The following NEK1 variants were observed in gnomAD, a reference collection of about 807,000 sequenced individuals.
NEK1 encodes the protein serine/threonine-protein kinase Nek1.
In NEK1, 137 loss-of-function variants were observed where a neutral mutation model predicts 182.1. That is an observed-to-expected ratio of 0.75 (90% confidence interval 0.65 to 0.87). NEK1 has a LOEUF of 0.87. Among genes scored for constraint, NEK1 ranks in the 40% least tolerant of loss-of-function variants. The pLI, the probability that NEK1 is intolerant of heterozygous loss-of-function variation, is 0.00. For synonymous variants in NEK1, 513 were observed against 492.2 expected (o/e 1.04, Z -0.56); for missense variants, 1,391 against 1,494.4 (o/e 0.93, Z 1.14).
At chr4:169,584,238 T>C (rs1338098568) in intron 10 of NEK1, among the ~76,000 whole-genome samples, 1 of 152,090 alleles carries the variant, frequency 6.6e-6, no homozygotes, top group Non-Finnish European at 1.5e-5. Flanking sequence ...GAGTCAGTAA[T>C]CTAGTATACC....
intron 19 of NEK1, among the ~76,000 whole-genome samples, chr4:169,531,531 G>T (rs1000374613): frequency 1.1e-4 from 16 of 151,474 alleles, no homozygotes; most frequent in Non-Finnish European, 1.2e-4. Flanking sequence ...TGCTATAGGA[G>T]AGTACCGGTA....
rs34236215 is a variant in NEK1 at position 169,581,039 on chromosome 4, T to TAAA, written c.808-140_808-138dup. The TAAA allele has an allele frequency of 9.9e-3, 1,293 of 130,766 alleles. 25 individuals carry two copies. The highest frequency in any genetic ancestry group is 0.033 in the African/African-American group (1,018 of 30,464). 8.1% of individuals were successfully genotyped at this position (130,766 alleles called of 1,614,324 possible). On this transcript the variant is annotated intron_variant, in intron 10 of 35. Transcript: ENST00000507142. Reference sequence around the variant, plus strand: ...ATAAACTGTACTAAAACCAAGTTGTTAAAAAAAAAAAAAAAAAAAAAAAAG... The same window carrying TAAA: ...ATAAACTGTACTAAAACCAAGTTGTTAAAAAAAAAAAAAAAAAAAAAAAAAAAG...
intron 28 of NEK1, among the ~76,000 whole-genome samples, chr4:169,436,175 A>C (rs1336931736): frequency 6.6e-6 from 1 of 152,220 alleles, no homozygotes; most frequent in Non-Finnish European, 1.5e-5. Context: ...AAGTGCCGGG[A>C]TTACAGGTGT....
chr4:169,484,214 C>A (rs11945875), intron 23 of NEK1, among the ~76,000 whole-genome samples: 42,710 of 151,810 alleles, frequency 0.28, 8,498 homozygotes, highest in African/African-American at 0.57. Context: ...ATGCCCAGCA[C>A]ATTTTTGTAT....
At chr4:169,528,801 C>A (rs1244277129) in intron 19 of NEK1, among the ~76,000 whole-genome samples, 3 of 152,076 alleles carry the variant, frequency 2.0e-5, no homozygotes, top group Non-Finnish European at 2.9e-5. Flanking sequence ...TTCCACCCAA[C>A]AATAGCAGAA....
rs370669947 is a variant in NEK1, at chr4:169,445,849, C to T, written c.2588-7590G>A. On this transcript the variant is annotated intron_variant, in intron 27 of 35. Transcript: ENST00000507142. ...AAACTTAAAACAAAACAACTATATACATATATATATATATATACACACACA... is the reference window on the plus strand; with the variant it reads ...AAACTTAAAACAAAACAACTATATATATATATATATATATATACACACACA... Among the ~76,000 whole-genome samples the T allele has an allele frequency of 6.0e-3, 847 of 140,002 alleles. 13 individuals are homozygous for T. The highest frequency in any genetic ancestry group is 0.023 in the African/African-American group (775 of 34,186). 91.8% of individuals were successfully genotyped at this position (140,002 alleles called of 152,430 possible). A position where few individuals can be genotyped will look rare whatever the true frequency, so the allele number is the denominator to read the frequency against.
At chr4:169,419,062 T>A (rs1258780392) in intron 31 of NEK1, among the ~76,000 whole-genome samples, 1 of 152,096 alleles carries the variant, frequency 6.6e-6, no homozygotes, top group Non-Finnish European at 1.5e-5. Flanking sequence ...TAAACAAACC[T>A]ACCACACTGC....
intron 2 of NEK1, among the ~76,000 whole-genome samples, chr4:169,607,031 A>G (rs904875569): frequency 6.6e-6 from 1 of 152,216 alleles, no homozygotes; most frequent in Non-Finnish European, 1.5e-5. Context: ...GAAGAGGAAA[A>G]ATAATAGAAG....
At chr4:169,580,494 C>CAAAAAAA (rs11348370) in intron 11 of NEK1, among the ~76,000 whole-genome samples, 1 of 65,846 alleles carries the variant, frequency 1.5e-5, no homozygotes, top group Non-Finnish European at 3.0e-5. Context: ...AACTTCATCT[C>CAAAAAAA]AAAAAAAAAA....
In NEK1 at chr4:169,561,871, C is replaced by G. The variant is rs918117797; in HGVS notation, c.1101G>C (p.Arg367Ser). The change falls in exon 14 of 36, where the codon AGG (arginine) becomes AGC (serine). Residue 367 changes from arginine (R) to serine (S), a missense_variant. Arg to Ser is a moderately radical substitution (Grantham distance 110). Around this residue, in one of 5 missense-constraint regions of NEK1, gnomAD observed 1,216 missense variants for 1,277.6 expected, o/e 0.95. Coordinates refer to ENST00000507142, the MANE Select transcript of NEK1 (RefSeq NM_001199397.3). ...TCTTTTCTTTTTCAATAAATTCCAGCCTTCTCTTTCTTGCTGCTTCCTTAA... is the reference window on the plus strand; with the variant it reads ...TCTTTTCTTTTTCAATAAATTCCAGGCTTCTCTTTCTTGCTGCTTCCTTAA... Reference protein sequence around the residue: ...KISEEAARKRRLEFIEKEKKQ... With the variant: ...KISEEAARKRSLEFIEKEKKQ... 5 of 1,607,838 alleles carry G rather than the reference C, an allele frequency of 3.1e-6. No homozygotes were observed. Among genetic ancestry groups the G allele is most frequent in the Non-Finnish European group, 4.2e-6 (5 of 1,177,912 alleles).
chr4:169,495,239 C>CTTTTTTT (rs774183115), intron 23 of NEK1, among the ~76,000 whole-genome samples: 7 of 105,448 alleles, frequency 6.6e-5, no homozygotes, highest in Non-Finnish European at 1.2e-4. Context: ...ACATTTAAGT[C>CTTTTTTT]TTTTTTTTTT....
intron 26 of NEK1, among the ~76,000 whole-genome samples, chr4:169,473,410 A>G (rs1018828785): frequency 2.6e-5 from 4 of 152,080 alleles, no homozygotes; most frequent in Admixed American, 2.0e-4. Context: ...ACCAATACCA[A>G]TTACCTATTG....
rs895688115 is a variant in NEK1, at chr4:169,507,930, T to C, written c.1834-138A>G. ...TCATTTAATGCTGTTAGTTTTCTCC[T>C]AAAGCTGCAACTGAACTCTCCACCA... On this transcript the variant is annotated intron_variant, in intron 21 of 35. Transcript: ENST00000507142. 13 of 704,284 alleles carry C rather than the reference T, an allele frequency of 1.8e-5. 1 individual carries two copies. The Admixed American group carries it at 3.4e-4, about 18-fold the overall frequency. The allele number at this position is 704,284 out of a possible 1,614,324, so 43.6% of individuals were successfully genotyped here.
intron 31 of NEK1, among the ~76,000 whole-genome samples, chr4:169,410,813 G>A (rs1353168467): frequency 1.3e-5 from 2 of 152,174 alleles, no homozygotes; most frequent in East Asian, 3.8e-4. Context: ...TTTTCATAAA[G>A]CAGATCATTT....
intron 28 of NEK1, among the ~76,000 whole-genome samples, chr4:169,437,474 A>G (rs547261561): frequency 2.6e-4 from 39 of 152,072 alleles, no homozygotes; most frequent in Non-Finnish European, 4.7e-4. Flanking sequence ...TCCCATTGAG[A>G]GGTGGGTTCT....
chr4:169,484,687 A>G (rs1024133045), intron 23 of NEK1, among the ~76,000 whole-genome samples: 1 of 152,222 alleles, frequency 6.6e-6, no homozygotes, highest in Non-Finnish European at 1.5e-5. Context: ...CAGAGCAGCC[A>G]ATGGTCAGCC....
chr4:169,545,499 C>T (rs1208970974), intron 18 of NEK1, among the ~76,000 whole-genome samples: 16 of 149,158 alleles, frequency 1.1e-4, no homozygotes, highest in East Asian at 2.0e-4. Flanking sequence ...TGAATAATGC[C>T]GCAATAAACA....
intron 12 of NEK1, among the ~76,000 whole-genome samples, chr4:169,572,486 A>G (rs894190455): frequency 1.4e-4 from 22 of 152,200 alleles, no homozygotes; most frequent in Non-Finnish European, 2.6e-4. Context: ...GGAGATGTTA[A>G]GACAGGTATC....
At chr4:169,572,234 G>A (rs1376544182) in intron 12 of NEK1, among the ~76,000 whole-genome samples, 2 of 152,234 alleles carry the variant, frequency 1.3e-5, no homozygotes, top group African/African-American at 4.8e-5. Context: ...AGGGTGGCTA[G>A]GACTAATATG....
Sources: allele counts gnomAD v4.1 joint callset (sites outside exome capture counted in the v4.1 genomes callset), GRCh38; gene constraint gnomAD v4.1.1; regional missense constraint gnomAD v4.1.1; transcripts MANE v1.5; gene names NCBI Gene and HGNC (gene_info 2026-07-23, HGNC 2026-07-21).